Variants in RALGPS1 observed in about 807,000 individuals in gnomAD.
The protein encoded by RALGPS1 is Ral GEF with PH domain and SH3 binding motif 1.
A neutral mutation model predicts 78.8 loss-of-function variants in RALGPS1; 19 were observed. The observed-to-expected ratio is 0.24, with a 90% CI of 0.17 to 0.35. The LOEUF (loss-of-function observed/expected upper bound fraction) is 0.35, where lower values mean the gene tolerates loss of function less well. Among genes scored for constraint, RALGPS1 ranks in the 10% least tolerant of loss-of-function variants. The probability of loss-of-function intolerance (pLI) is 1.00; values close to 1 mark genes in which losing one functional copy is unlikely to be tolerated. For missense variants in RALGPS1, 454 were observed against 688.3 expected (o/e 0.66, Z 3.81); for synonymous variants, 228 against 256.3 (o/e 0.89, Z 1.06).
At chr9:127,173,251 G>A (rs572449536) in intron 10 of RALGPS1, among the ~76,000 whole-genome samples, 4 of 152,268 alleles carry the variant, frequency 2.6e-5, no homozygotes, top group Admixed American at 6.5e-5. Context: ...ATCATGCCCC[G>A]TGGAGCCTTC....
At chr9:127,195,871 G>C (rs958458876) in intron 12 of RALGPS1, among the ~76,000 whole-genome samples, 32 of 141,410 alleles carry the variant, frequency 2.3e-4, no homozygotes, top group Non-Finnish European at 2.6e-4. Flanking sequence ...CAAGGCACAA[G>C]CTCAGCCCAG....
intron 8 of RALGPS1, among the ~76,000 whole-genome samples, chr9:127,110,340 C>T (rs985643352): frequency 3.3e-4 from 50 of 152,198 alleles, no homozygotes; most frequent in Admixed American, 3.0e-3. Context: ...CTTTCCAGAG[C>T]GCCACCCTGC....
In RALGPS1 at chr9:127,095,801, G is replaced by A. The variant is rs903931154; in HGVS notation, c.610+26445G>A. Among the ~76,000 whole-genome samples the A allele has an allele frequency of 2.0e-5, 3 of 152,234 alleles. No individual in the cohort carries two copies. The South Asian group carries it at 6.2e-4, about 31-fold the overall frequency. On this transcript the variant is annotated intron_variant, in intron 8 of 18. Coordinates refer to ENST00000259351, the MANE Select transcript of RALGPS1 (RefSeq NM_014636.3). ...ATAGTTATAAACCAGAAAGATTTAGGTTTCTGGTCTCTGTTAGACATCTCA... is the reference window on the plus strand; with the variant it reads ...ATAGTTATAAACCAGAAAGATTTAGATTTCTGGTCTCTGTTAGACATCTCA...
In RALGPS1 at chr9:127,175,860, C is replaced by T. The variant is rs902028666; in HGVS notation, c.910+1078C>T. On this transcript the variant is annotated intron_variant, in intron 11 of 18. Transcript: ENST00000259351. ...ACGTGGTGCCACACCTCCCCTAGCC[C>T]GTTGACCTGCTCAAGCCACTCTCCC... Among the ~76,000 whole-genome samples the T allele has an allele frequency of 3.3e-5, 5 of 152,164 alleles. No individual in the cohort carries two copies. In the East Asian group the frequency reaches 7.7e-4, roughly 24 times the overall value.
At chr9:127,198,888 T>C (rs2061474824) in intron 13 of RALGPS1, 127 bp from the exon 14 acceptor site, 1 of 826,112 alleles carries the variant, frequency 1.2e-6, no homozygotes, top group East Asian at 2.4e-5. Context: ...ACGTTGAGGC[T>C]CCCAATGTCA....
chr9:127,077,016 GGA>G (rs1186104199), intron 8 of RALGPS1, among the ~76,000 whole-genome samples: 5 of 152,120 alleles, frequency 3.3e-5, no homozygotes, highest in African/African-American at 1.2e-4. Flanking sequence ...GGTGTCATGT[GGA>G]GCAGCTGCAG....
At chr9:127,001,255 C>G (rs1262159422) in intron 4 of RALGPS1, among the ~76,000 whole-genome samples, 1 of 145,686 alleles carries the variant, frequency 6.9e-6, no homozygotes, top group Non-Finnish European at 1.5e-5. Flanking sequence ...CCACTGCACT[C>G]AAGCCTGGGT....
rs554691467 is a variant in RALGPS1, at chr9:126,927,627, G to T, written c.-66+12652G>T. Among the ~76,000 whole-genome samples the T allele has an allele frequency of 3.3e-5, 5 of 152,300 alleles. No homozygotes were observed. The East Asian group carries it at 5.8e-4, about 18-fold the overall frequency. On this transcript the variant is annotated intron_variant, in intron 1 of 18. Coordinates refer to ENST00000259351, the MANE Select transcript of RALGPS1 (RefSeq NM_014636.3). ...AAGACTCTGAAAGAGGCTGTTTGCTGCAGACAGTCTCTACCCCCTTCAGCG... is the reference window on the plus strand; with the variant it reads ...AAGACTCTGAAAGAGGCTGTTTGCTTCAGACAGTCTCTACCCCCTTCAGCG...
At chr9:126,938,688 G>A (rs987103472) in intron 1 of RALGPS1, among the ~76,000 whole-genome samples, 8 of 152,224 alleles carry the variant, frequency 5.3e-5, no homozygotes, top group South Asian at 2.1e-4. Context: ...AAGGCTTTGC[G>A]AGTCATGGAA....
intron 4 of RALGPS1, among the ~76,000 whole-genome samples, chr9:127,032,755 C>G (rs942259254): frequency 1.3e-5 from 2 of 151,974 alleles, no homozygotes; most frequent in Non-Finnish European, 2.9e-5. Flanking sequence ...TTTTGGAGGC[C>G]GAAGCAAGAA....
intron 8 of RALGPS1, among the ~76,000 whole-genome samples, chr9:127,128,731 T>C (rs566052248): frequency 1.3e-5 from 2 of 152,098 alleles, no homozygotes; most frequent in African/African-American, 4.8e-5. Context: ...CCATGCCGGG[T>C]GGGGGAACCA....
chr9:127,019,118 C>T (rs997609519), intron 4 of RALGPS1, among the ~76,000 whole-genome samples: 6 of 152,188 alleles, frequency 3.9e-5, no homozygotes, highest in Non-Finnish European at 7.4e-5. Context: ...CCTTTCGCAA[C>T]CAGGATTTCA....
Position 127,197,444 on chromosome 9 carries a change from G to A in RALGPS1, c.1195+813G>A, listed in dbSNP as rs150440266. The stretch of plus-strand genomic sequence containing the variant: ...CCTCCCATGGCTGGTGGTTAGACCA[G>A]TTGCCGAGCTGGGAGTTGATCTTGT... On this transcript the variant is annotated intron_variant, in intron 13 of 18. Transcript: ENST00000259351. Among the ~76,000 whole-genome samples, 81 of 149,356 alleles carry A rather than the reference G, an allele frequency of 5.4e-4. 1 individual carries two copies. The East Asian group carries it at 0.015, about 28-fold the overall frequency.
At chr9:127,124,365 A>C (rs1055575409) in intron 8 of RALGPS1, among the ~76,000 whole-genome samples, 1 of 151,982 alleles carries the variant, frequency 6.6e-6, no homozygotes, top group Non-Finnish European at 1.5e-5. Context: ...CAGGAGCATC[A>C]GCCGCAGACA....
At chr9:127,065,997 G>A (rs769915504) in intron 7 of RALGPS1, among the ~76,000 whole-genome samples, 18 of 152,232 alleles carry the variant, frequency 1.2e-4, no homozygotes, top group Non-Finnish European at 2.1e-4. Context: ...GAGCAGATGA[G>A]TAAAGTTAAC....
At chr9:127,195,797 TC>T (rs2061322584) in intron 12 of RALGPS1, among the ~76,000 whole-genome samples, 1 of 151,898 alleles carries the variant, frequency 6.6e-6, no homozygotes, top group Non-Finnish European at 1.5e-5. Context: ...TCTCCCTTCT[TC>T]CTTCCCTCCC....
chr9:127,141,819 A>T (rs1396195598), intron 8 of RALGPS1, among the ~76,000 whole-genome samples: 1 of 152,160 alleles, frequency 6.6e-6, no homozygotes, highest in Non-Finnish European at 1.5e-5. Context: ...AAATATTTTA[A>T]ATATAGAAAA....
chr9:127,147,592 A>C (rs1418969346), intron 8 of RALGPS1, among the ~76,000 whole-genome samples: 1 of 152,222 alleles, frequency 6.6e-6, no homozygotes, highest in Non-Finnish European at 1.5e-5. Flanking sequence ...AATCTTCTGC[A>C]TATGGTTAGC....
chr9:127,134,890 A>G (rs2057289409), intron 8 of RALGPS1, among the ~76,000 whole-genome samples: 1 of 152,190 alleles, frequency 6.6e-6, no homozygotes, highest in South Asian at 2.1e-4. Flanking sequence ...CCCAACACCC[A>G]TGCTCAATTC....
Sources: allele counts gnomAD v4.1 joint callset (sites outside exome capture counted in the v4.1 genomes callset), GRCh38; gene constraint gnomAD v4.1.1; transcripts MANE v1.5; gene names NCBI Gene and HGNC (gene_info 2026-07-23, HGNC 2026-07-21).